Variants in SHISAL2B observed in about 807,000 individuals in gnomAD.
SHISAL2B encodes shisa like 2B.
In SHISAL2B, 12 loss-of-function variants were observed where a neutral mutation model predicts 16.5. The ratio of observed to expected loss-of-function variants is 0.73; its 90% CI spans 0.47 to 1.18. The LOEUF (loss-of-function observed/expected upper bound fraction) is 1.18. Among genes scored for constraint, SHISAL2B ranks in the 50% most tolerant of loss-of-function variants. SHISAL2B has a pLI of 0.00. For missense variants in SHISAL2B, 183 were observed against 193.6 expected (o/e 0.95, Z 0.33); for synonymous variants, 72 against 75.0 (o/e 0.96, Z 0.21).
chr5:64,705,090 C>T (rs371343323), intron 2 of SHISAL2B, among the ~76,000 whole-genome samples: 22 of 152,262 alleles, frequency 1.4e-4, no homozygotes, highest in African/African-American at 5.3e-4. Flanking sequence ...GTACTTAACA[C>T]TGGTTAGAAA....
chr5:64,705,624 G>A (rs1741865529), intron 2 of SHISAL2B, among the ~76,000 whole-genome samples: 1 of 152,090 alleles, frequency 6.6e-6, no homozygotes, highest in South Asian at 2.1e-4. Flanking sequence ...TGATACTAAA[G>A]AGTAAAAATA....
At chr5:64,694,983 G>A (rs966502031) in intron 1 of SHISAL2B, among the ~76,000 whole-genome samples, 27 of 152,102 alleles carry the variant, frequency 1.8e-4, no homozygotes, top group Admixed American at 1.0e-3. Context: ...CGTACAGGCC[G>A]GCCGGGAGCG....
At chr5:64,694,296 T>C (rs1157695911) in intron 1 of SHISAL2B, 3 of 274,882 alleles carry the variant, frequency 1.1e-5, no homozygotes, top group Middle Eastern at 8.5e-4. Flanking sequence ...TGTACAACAC[T>C]ACCATGAAAG....
At chr5:64,702,812 A>T (rs924752254) in intron 2 of SHISAL2B, among the ~76,000 whole-genome samples, 16 of 152,130 alleles carry the variant, frequency 1.1e-4, no homozygotes, top group African/African-American at 3.9e-4. Flanking sequence ...CAGTTGTCAA[A>T]TATTTATTGG....
intron 2 of SHISAL2B, among the ~76,000 whole-genome samples, chr5:64,696,892 A>G (rs1317922142): frequency 1.3e-5 from 2 of 152,176 alleles, no homozygotes; most frequent in Admixed American, 1.3e-4. Context: ...CTTCAGAAGC[A>G]TGTGATCTTT....
rs549866556 is a variant in SHISAL2B at position 64,690,523 on chromosome 5, C to G, written c.-101C>G. On this transcript the variant is annotated 5_prime_UTR_variant, in exon 1 of 3. Transcript: ENST00000389074. ...CAGCCAGAGCCCAGATCGGAAGAGCCGAGTCCGGGCAGAGGGGTCCGCGGG... is the reference window on the plus strand; with the variant it reads ...CAGCCAGAGCCCAGATCGGAAGAGCGGAGTCCGGGCAGAGGGGTCCGCGGG... 1 of 978,062 alleles carries G rather than the reference C, an allele frequency of 1.0e-6. No individual in the cohort carries two copies. Among genetic ancestry groups the G allele is most frequent in the Middle Eastern group, 3.6e-4 (1 of 2,794 alleles). The allele number at this position is 978,062 out of a possible 1,614,324, so 60.6% of individuals were successfully genotyped here.
intron 2 of SHISAL2B, 133 bp from the exon 3 acceptor site, chr5:64,717,756 C>G (rs1742077463): frequency 1.5e-6 from 1 of 670,480 alleles, no homozygotes. Flanking sequence ...TAACTCAATT[C>G]TCACTCATAC....
intron 2 of SHISAL2B, among the ~76,000 whole-genome samples, chr5:64,701,416 G>A (rs1741807874): frequency 6.6e-6 from 1 of 152,130 alleles, no homozygotes; most frequent in Admixed American, 6.5e-5. Context: ...ATAATGACTT[G>A]CTTTACTCTA....
chr5:64,709,259 T>C (rs1451199083), intron 2 of SHISAL2B, among the ~76,000 whole-genome samples: 1 of 146,254 alleles, frequency 6.8e-6, no homozygotes, highest in African/African-American at 2.5e-5. Context: ...CATTGTTCAA[T>C]TCCCACCTAT....
chr5:64,706,247 G>C (rs1332650489), intron 2 of SHISAL2B, among the ~76,000 whole-genome samples: 6 of 152,192 alleles, frequency 3.9e-5, no homozygotes, highest in Admixed American at 3.9e-4. Flanking sequence ...AGAGACAAAA[G>C]GTTGCATTCT....
At chr5:64,696,605 C>T (rs545580670) in intron 2 of SHISAL2B, among the ~76,000 whole-genome samples, 21 of 152,210 alleles carry the variant, frequency 1.4e-4, no homozygotes, top group African/African-American at 4.6e-4. Flanking sequence ...TATAAACAGC[C>T]GGTCTGGGAG....
intron 2 of SHISAL2B, among the ~76,000 whole-genome samples, chr5:64,714,598 C>T (rs1177742969): frequency 6.6e-6 from 1 of 152,112 alleles, no homozygotes; most frequent in East Asian, 1.9e-4. Context: ...GCTTTGTTTA[C>T]CTAAGCAAGC....
In SHISAL2B at chr5:64,690,506, G is replaced by T. The variant is rs977469301; in HGVS notation, c.-118G>T. 8 of 776,222 alleles carry T rather than the reference G, an allele frequency of 1.0e-5. No homozygotes were observed. Among genetic ancestry groups the T allele is most frequent in the Middle Eastern group, 8.3e-4 (2 of 2,412 alleles). The allele number at this position is 776,222 out of a possible 1,614,324, so 48.1% of individuals were successfully genotyped here. ...AAGGCTGAGCGCCCAGGCAGCCAGA[G>T]CCCAGATCGGAAGAGCCGAGTCCGG... On this transcript the variant is annotated 5_prime_UTR_variant, in exon 1 of 3. Transcript: ENST00000389074.
chr5:64,712,513 C>T (rs1459564029), intron 2 of SHISAL2B, among the ~76,000 whole-genome samples: 1 of 150,752 alleles, frequency 6.6e-6, no homozygotes, highest in Non-Finnish European at 1.5e-5. Flanking sequence ...AATGTATATT[C>T]TGTTGATTTG....
At chr5:64,700,399 T>C (rs1741792820) in intron 2 of SHISAL2B, among the ~76,000 whole-genome samples, 1 of 152,158 alleles carries the variant, frequency 6.6e-6, no homozygotes, top group South Asian at 2.1e-4. Flanking sequence ...ACACATATCC[T>C]TCCATTTTAT....
chr5:64,715,979 A>C (rs1429730254), intron 2 of SHISAL2B, among the ~76,000 whole-genome samples: 1 of 152,212 alleles, frequency 6.6e-6, no homozygotes, highest in Non-Finnish European at 1.5e-5. Context: ...GCGGAATTAC[A>C]GGGTAGGAAC....
At chr5:64,690,969 G>A (rs1293135009) in intron 1 of SHISAL2B, among the ~76,000 whole-genome samples, 155 bp downstream of exon 1, 1 of 152,250 alleles carries the variant, frequency 6.6e-6, no homozygotes, top group Non-Finnish European at 1.5e-5. Flanking sequence ...CTGAGGGCGG[G>A]TGAGGGCAGG....
chr5:64,706,886 A>G (rs1741882628), intron 2 of SHISAL2B, among the ~76,000 whole-genome samples: 2 of 152,314 alleles, frequency 1.3e-5, no homozygotes, highest in South Asian at 4.1e-4. Flanking sequence ...AAAATAGGGG[A>G]AAAAAGATAA....
chr5:64,710,408 G>C (rs1170409134), intron 2 of SHISAL2B, among the ~76,000 whole-genome samples: 3 of 74,322 alleles, frequency 4.0e-5, no homozygotes, highest in Admixed American at 1.5e-4. Flanking sequence ...CTCTGTTTTG[G>C]TACCAGTACC....
Sources: gnomAD v4.1 joint callset for allele counts (sites outside exome capture counted in the v4.1 genomes callset) on GRCh38, gnomAD v4.1.1 for gene constraint, MANE v1.5 for transcripts, NCBI Gene and HGNC (gene_info 2026-07-23, HGNC 2026-07-21) for gene names.